Variants in PHLPP1 observed in about 807,000 individuals in gnomAD.
The protein encoded by PHLPP1 is PH domain leucine-rich repeat-containing protein phosphatase 1.
In PHLPP1, 42 loss-of-function variants were observed where a neutral mutation model predicts 117.2. The ratio of observed to expected loss-of-function variants is 0.36; its 90% CI spans 0.28 to 0.46. PHLPP1 has a LOEUF of 0.46. PHLPP1 is among the 20% of genes least tolerant of loss of function. PHLPP1 has a pLI of 1.00. For synonymous variants in PHLPP1, 1,042 were observed against 970.7 expected, an observed-to-expected ratio of 1.07 and a Z score of -1.37; for missense variants, 2,084 against 2,241.9, an observed-to-expected ratio of 0.93 and a Z score of 1.42.
chr18:62,835,804 G>A lies in PHLPP1; in HGVS notation c.1774-2980G>A, dbSNP rs1246121987. On this transcript the variant is annotated intron_variant, in intron 2 of 16. Coordinates refer to ENST00000262719, the MANE Select transcript of PHLPP1 (RefSeq NM_194449.4). The stretch of plus-strand genomic sequence containing the variant: ...TTTTTTTTTTTTTTTTTTTTGAGGC[G>A]GAGTCTTGCTGTGTTGCCCAGGCTG... Among the ~76,000 whole-genome samples, 8 of 132,850 alleles carry A rather than the reference G, an allele frequency of 6.0e-5. No individual in the cohort carries two copies. In the South Asian group the frequency reaches 7.1e-4, roughly 12 times the overall value. The allele number at this position is 132,850 out of a possible 152,430, so 87.2% of individuals were successfully genotyped here. A position where few individuals can be genotyped will look rare whatever the true frequency, so the allele number is the denominator to read the frequency against.
chr18:62,764,481 G>T (rs1440187419), intron 1 of PHLPP1, among the ~76,000 whole-genome samples: 2 of 151,940 alleles, frequency 1.3e-5, no homozygotes, highest in African/African-American at 4.8e-5. Flanking sequence ...CGTTCATCTT[G>T]GGGATGAAGT....
At chr18:62,840,241 A>G (rs770735733) in intron 3 of PHLPP1, among the ~76,000 whole-genome samples, 2 of 152,226 alleles carry the variant, frequency 1.3e-5, no homozygotes, top group African/African-American at 4.8e-5. Flanking sequence ...GATATCATTT[A>G]GGAGAGTTGG....
At chr18:62,899,899 G>T (rs1377470832) in intron 6 of PHLPP1, among the ~76,000 whole-genome samples, 2 of 152,212 alleles carry the variant, frequency 1.3e-5, no homozygotes, top group African/African-American at 4.8e-5. Context: ...AAACTCTTGG[G>T]CTCAAGTTGT....
Position 62,821,672 on chromosome 18 carries a change from A to T in PHLPP1, c.1577-8363A>T, listed in dbSNP as rs541960533. 3.3e-5 allele frequency among the ~76,000 whole-genome samples: 5 copies of T among 151,848 alleles called. No individual in the cohort carries two copies. The South Asian group carries it at 6.2e-4, about 19-fold the overall frequency. On this transcript the variant is annotated intron_variant, in intron 1 of 16. Transcript: ENST00000262719. The stretch of plus-strand genomic sequence containing the variant: ...CAAACTGATCAAGAAAAGATAGAAG[A>T]CTCAAGTTACCAATATCAGGAATGA...
chr18:62,900,475 A>G (rs1599110838), intron 6 of PHLPP1, among the ~76,000 whole-genome samples: 1 of 85,912 alleles, frequency 1.2e-5, no homozygotes, highest in Non-Finnish European at 2.1e-5. Context: ...ACAGGGTCTC[A>G]CTTTGTTACC....
intron 1 of PHLPP1, among the ~76,000 whole-genome samples, chr18:62,772,445 A>G (rs1449656109): frequency 6.6e-6 from 1 of 152,210 alleles, no homozygotes; most frequent in Non-Finnish European, 1.5e-5. Flanking sequence ...AAGCGAGATC[A>G]CTAGGATCCC....
At chr18:62,895,414 G>C (rs910882278) in intron 5 of PHLPP1, among the ~76,000 whole-genome samples, 1 of 152,142 alleles carries the variant, frequency 6.6e-6, no homozygotes, top group African/African-American at 2.4e-5. Flanking sequence ...CATGGAATGT[G>C]GGTTATGTTC....
In PHLPP1 at chr18:62,726,316, G is replaced by A. The variant is rs148883914; in HGVS notation, c.1576+9057G>A. Among the ~76,000 whole-genome samples, 775 of 150,658 alleles carry A rather than the reference G, an allele frequency of 5.1e-3. 3 individuals carry two copies. The highest frequency in any genetic ancestry group is 8.2e-3 in the Non-Finnish European group (554 of 67,682). Reference sequence around the variant, plus strand: ...TCATTGTGACTTGTTCATATCCCTTGCCTGCTTTTTTTTTTTGGGGGGGTT... The same window carrying A: ...TCATTGTGACTTGTTCATATCCCTTACCTGCTTTTTTTTTTTGGGGGGGTT... On this transcript the variant is annotated intron_variant, in intron 1 of 16. Transcript: ENST00000262719.
At chr18:62,793,514 T>G (rs545045270) in intron 1 of PHLPP1, among the ~76,000 whole-genome samples, 7 of 152,358 alleles carry the variant, frequency 4.6e-5, no homozygotes, top group African/African-American at 1.7e-4. Flanking sequence ...AGCCTGCTCC[T>G]TAGCTCTTCC....
intron 13 of PHLPP1, among the ~76,000 whole-genome samples, chr18:62,960,673 G>A (rs1910741925): frequency 6.6e-6 from 1 of 152,088 alleles, no homozygotes; most frequent in African/African-American, 2.4e-5. Flanking sequence ...TAAAATATTT[G>A]AATAACATTT....
chr18:62,920,210 G>A, intron 10 of PHLPP1, 96 bp downstream of exon 10: 2 of 1,130,850 alleles, frequency 1.8e-6, no homozygotes, highest in South Asian at 1.4e-5. Flanking sequence ...AACTTTCTGA[G>A]TATGTATCTG....
At chr18:62,963,655 G>A (rs1456598068) in intron 14 of PHLPP1, among the ~76,000 whole-genome samples, 183 bp downstream of exon 14, 1 of 152,210 alleles carries the variant, frequency 6.6e-6, no homozygotes, top group East Asian at 1.9e-4. Context: ...GGAAGGCCCT[G>A]TTTGGAATCA....
chr18:62,832,344 T>G (rs1160147630), intron 2 of PHLPP1: 1 of 152,234 alleles, frequency 6.6e-6, no homozygotes, highest in Non-Finnish European at 1.5e-5. Flanking sequence ...GGGAATTTTG[T>G]AATGAAAGGT....
chr18:62,745,556 T>C (rs1911651071), intron 1 of PHLPP1, among the ~76,000 whole-genome samples: 1 of 152,184 alleles, frequency 6.6e-6, no homozygotes. Flanking sequence ...AGCATGTGGG[T>C]GCCTTCACAT....
chr18:62,939,143 A>C (rs536024935), intron 10 of PHLPP1, among the ~76,000 whole-genome samples: 4 of 151,536 alleles, frequency 2.6e-5, no homozygotes, highest in African/African-American at 9.7e-5. Flanking sequence ...GGTGCCTGCC[A>C]CCACACCCAG....
intron 1 of PHLPP1, among the ~76,000 whole-genome samples, chr18:62,742,641 G>T (rs553039686): frequency 3.9e-4 from 59 of 152,222 alleles, no homozygotes; most frequent in Admixed American, 2.7e-3. Context: ...TCACCGTGTT[G>T]GTCAGGCTGG....
chr18:62,794,957 A>G (rs899245601), intron 1 of PHLPP1, among the ~76,000 whole-genome samples: 1 of 152,164 alleles, frequency 6.6e-6, no homozygotes, highest in South Asian at 2.1e-4. Flanking sequence ...GCAATAGAAT[A>G]AGGAAAAAAG....
intron 1 of PHLPP1, among the ~76,000 whole-genome samples, chr18:62,814,692 G>A (rs1337440189): frequency 6.6e-6 from 1 of 152,092 alleles, no homozygotes; most frequent in Non-Finnish European, 1.5e-5. Context: ...TTAGATTTTG[G>A]TGCATTATTT....
At chr18:62,755,982 T>TGGG in intron 1 of PHLPP1, among the ~76,000 whole-genome samples, 1 of 143,046 alleles carries the variant, frequency 7.0e-6, no homozygotes. Context: ...ATATTTTTGT[T>TGGG]CCCCCCCCCC....
Sources: allele counts gnomAD v4.1 joint callset (sites outside exome capture counted in the v4.1 genomes callset), GRCh38; gene constraint gnomAD v4.1.1; transcripts MANE v1.5; gene names NCBI Gene and HGNC (gene_info 2026-07-23, HGNC 2026-07-21).